The following EFCAB8 variants were observed in gnomAD, a reference collection of about 807,000 sequenced individuals.
EFCAB8 encodes EF-hand calcium-binding domain-containing protein 8.
EFCAB8 carries 100 observed loss-of-function variants against 116.3 expected under a neutral mutation model. That is an observed-to-expected ratio of 0.86 (90% confidence interval 0.73 to 1.02). The LOEUF (loss-of-function observed/expected upper bound fraction) is 1.02. Among genes scored for constraint, EFCAB8 ranks in the 50% least tolerant of loss-of-function variants. The pLI is 0.00. For missense variants in EFCAB8, 1,320 were observed against 1,416.9 expected (o/e 0.93, Z 1.10); for synonymous variants, 558 against 567.9 (o/e 0.98, Z 0.25).
Position 32,885,589 on chromosome 20 carries a change from C to T in EFCAB8, c.516C>T (p.Asp172=), listed in dbSNP as rs753858582. Residue 172 remains aspartate, a synonymous_variant, in exon 6 of 27, where the codon GAC becomes GAT. Coordinates refer to ENST00000400522, the MANE Select transcript of EFCAB8 (RefSeq NM_001143967.2). ...KIGCFLTVTK[D]GILQFWSESF... Reference sequence around the variant, plus strand: ...GGTGTTTCCTGACTGTCACCAAAGACGGGATCCTGCAGTTCTGGTCTGAGT... The same window carrying T: ...GGTGTTTCCTGACTGTCACCAAAGATGGGATCCTGCAGTTCTGGTCTGAGT... 8.4e-6 allele frequency: 13 copies of T among 1,551,684 alleles called. No individual in the cohort carries two copies. Among genetic ancestry groups the T allele is most frequent in the African/African-American group, 5.5e-5 (4 of 73,036 alleles).
In EFCAB8 at chr20:32,940,177, A is replaced by G. The variant is rs1442245257; in HGVS notation, c.2791-3459A>G. On this transcript the variant is annotated intron_variant, in intron 22 of 26. Transcript: ENST00000400522. ...TCACAATTCCCAAGTTCAAAACTGA[A>G]TATGAAGTTAAGTAATCAAGACAAT... 2.7e-5 allele frequency among the ~76,000 whole-genome samples: 4 copies of G among 148,950 alleles called. 1 individual carries two copies. The highest frequency in any genetic ancestry group is 1.0e-4 in the African/African-American group (4 of 39,920).
At position 32,860,493 on chromosome 20, in the gene EFCAB8, C is replaced by CTTTTTTT. The variant is rs71190881; in HGVS notation, c.-11+1512_-11+1518dup. ...TTTGTTCCATCGCTGATGGTGGTAA[C>CTTTTTTT]TTTTTTTTTTTTTTTTTTTTTTTTT... is the stretch of plus-strand genomic sequence containing the variant. On this transcript the variant is annotated intron_variant, in intron 1 of 26. Transcript: ENST00000400522. Among the ~76,000 whole-genome samples, 47 of 83,982 alleles carry CTTTTTTT rather than the reference C, an allele frequency of 5.6e-4. 7 individuals carry two copies. The highest frequency in any genetic ancestry group is 2.9e-3 in the African/African-American group (37 of 12,790). 55.1% of individuals were successfully genotyped at this position (83,982 alleles called of 152,430 possible).
At position 32,930,476 on chromosome 20, in the gene EFCAB8, G is replaced by A. The variant is rs6058960; in HGVS notation, c.2491G>A (p.Ala831Thr). 4 of 1,551,804 alleles carry A rather than the reference G, an allele frequency of 2.6e-6. No individual in the cohort carries two copies. The highest frequency in any genetic ancestry group is 1.4e-5 in the African/African-American group (1 of 73,032). Residue 831 changes from alanine to threonine, a missense_variant, in exon 21 of 27, where the codon GCC (alanine) becomes ACC (threonine). Ala to Thr is a moderately conservative substitution (Grantham distance 58, BLOSUM62 0). Coordinates refer to ENST00000400522, the MANE Select transcript of EFCAB8 (RefSeq NM_001143967.2). Reference sequence around the variant, plus strand: ...CAGCTGCATGGACGGCTACATCTACGCCTGGTCCCTCCATGAGAATGGAGG... The same window carrying A: ...CAGCTGCATGGACGGCTACATCTACACCTGGTCCCTCCATGAGAATGGAGG... Reference protein sequence around the residue: ...LSSCMDGYIYAWSLHENGGLL... With the variant: ...LSSCMDGYIYTWSLHENGGLL...
chr20:32,918,301 A>G (rs1987283192), intron 18 of EFCAB8, 61 bp from the exon 19 acceptor site: 1 of 1,499,232 alleles, frequency 6.7e-7, no homozygotes, highest in Admixed American at 2.0e-5. Flanking sequence ...GATCTGGGGC[A>G]GTCCTGAATT....
intron 24 of EFCAB8, among the ~76,000 whole-genome samples, chr20:32,958,979 A>G (rs923204942): frequency 1.3e-5 from 2 of 152,098 alleles, no homozygotes; most frequent in African/African-American, 4.8e-5. Context: ...TGCAGGGAGG[A>G]GCAGGCTGCT....
At chr20:32,882,731 G>A (rs938647413) in intron 5 of EFCAB8, among the ~76,000 whole-genome samples, 7 of 150,760 alleles carry the variant, frequency 4.6e-5, no homozygotes, top group African/African-American at 7.3e-5. Context: ...AGCCTTGCTC[G>A]GTCGCCCAGG....
At chr20:32,958,115 C>A (rs1159647103) in intron 23 of EFCAB8, among the ~76,000 whole-genome samples, 1 of 152,126 alleles carries the variant, frequency 6.6e-6, no homozygotes, top group Non-Finnish European at 1.5e-5. Flanking sequence ...ACACAAGCTA[C>A]CTGAAGCCCA....
chr20:32,952,704 A>G (rs1006969641), intron 23 of EFCAB8, among the ~76,000 whole-genome samples: 2 of 152,184 alleles, frequency 1.3e-5, no homozygotes, highest in African/African-American at 4.8e-5. Context: ...GAGTACTTTT[A>G]TCAGTGTATC....
intron 17 of EFCAB8, among the ~76,000 whole-genome samples, chr20:32,913,876 C>T (rs1217133719): frequency 1.3e-5 from 2 of 152,234 alleles, no homozygotes; most frequent in African/African-American, 2.4e-5. Flanking sequence ...TGGCTTGCTG[C>T]CCTGCCCTTC....
chr20:32,892,725 C>T (rs2146212466), intron 8 of EFCAB8, among the ~76,000 whole-genome samples: 1 of 152,292 alleles, frequency 6.6e-6, no homozygotes, highest in South Asian at 2.1e-4. Context: ...TTGTTGGCTC[C>T]TCAGGTGTCT....
At chr20:32,862,576 A>C (rs1191230450) in intron 1 of EFCAB8, among the ~76,000 whole-genome samples, 1 of 151,980 alleles carries the variant, frequency 6.6e-6, no homozygotes, top group Non-Finnish European at 1.5e-5. Context: ...GCTAGATTAG[A>C]GCATTCTTGG....
At chr20:32,927,469 C>G (rs576671498) in intron 20 of EFCAB8, among the ~76,000 whole-genome samples, 1 of 152,068 alleles carries the variant, frequency 6.6e-6, no homozygotes, top group South Asian at 2.1e-4. Flanking sequence ...CTCAGCCTCC[C>G]GAGTAGCTGG....
rs71858676 is a variant in EFCAB8 at position 32,921,361 on chromosome 20, T to TTGTGTGTGTGTGTG, written c.2412+1164_2412+1177dup. 8.0e-4 allele frequency among the ~76,000 whole-genome samples: 103 copies of TTGTGTGTGTGTGTG among 129,270 alleles called. 1 individual carries two copies. The highest frequency in any genetic ancestry group is 3.2e-3 in the South Asian group (14 of 4,376). The allele number at this position is 129,270 out of a possible 152,430, so 84.8% of individuals were successfully genotyped here. A position where few individuals can be genotyped will look rare whatever the true frequency, so the allele number is the denominator to read the frequency against. On this transcript the variant is annotated intron_variant, in intron 20 of 26. Transcript: ENST00000400522. ...GCATGCTCCATTATGCCCAGCTATTTTGTGTGTGTGTGTGTGTGTGTGTGT... is the reference window on the plus strand; with the variant it reads ...GCATGCTCCATTATGCCCAGCTATTTTGTGTGTGTGTGTGTGTGTGTGTGTGTGTGTGTGTGTGT...
At chr20:32,939,169 T>TTCTC (rs1433375253) in intron 22 of EFCAB8, among the ~76,000 whole-genome samples, 2 of 102,198 alleles carry the variant, frequency 2.0e-5, no homozygotes, top group Non-Finnish European at 4.2e-5. Flanking sequence ...CTTTCTTTCT[T>TTCTC]TCTTTCTTTC....
At chr20:32,889,535 A>C (rs142925643) in intron 7 of EFCAB8, 129 bp downstream of exon 7, 20,607 of 920,486 alleles carry the variant, frequency 0.022, 318 homozygotes, top group South Asian at 0.046. Flanking sequence ...AGCCAGGTGG[A>C]GAGGCCTTAG....
chr20:32,870,782 G>A (rs1043734804), intron 3 of EFCAB8, among the ~76,000 whole-genome samples: 1 of 151,948 alleles, frequency 6.6e-6, no homozygotes, highest in Non-Finnish European at 1.5e-5. Context: ...GATTACAAGC[G>A]TTAGCCACTG....
chr20:32,909,813 A>G lies in EFCAB8; in HGVS notation c.1447-8A>G. 1.6e-6 allele frequency: 2 copies of G among 1,241,150 alleles called. No homozygotes were observed. The highest frequency in any genetic ancestry group is 2.1e-4 in the Middle Eastern group (1 of 4,824). 76.9% of individuals were successfully genotyped at this position (1,241,150 alleles called of 1,614,324 possible). ...AGACAAGCTCTCTGCCCCTTTCCTCACCTACAGATCGGGATCCTAAAAGGG... is the reference window on the plus strand; with the variant it reads ...AGACAAGCTCTCTGCCCCTTTCCTCGCCTACAGATCGGGATCCTAAAAGGG... On this transcript the variant is annotated splice_polypyrimidine_tract_variant and splice_region_variant and intron_variant, in intron 14 of 26. Transcript: ENST00000400522.
At position 32,898,583 on chromosome 20, in the gene EFCAB8, G is replaced by T. The variant is rs781453152; in HGVS notation, c.1048G>T (p.Val350Leu). The stretch of plus-strand genomic sequence containing the variant: ...TTCAGCCATCGAGAAGTCCTCTCTG[G>T]TGCTGACAATATTGCCAGCCAAAGC... Reference protein sequence around the residue: ...SCSAIEKSSLVLTILPAKASK... With the variant: ...SCSAIEKSSLLLTILPAKASK... Residue 350 changes from valine to leucine, a missense_variant, in exon 11 of 27, where the codon GTG becomes TTG. Physicochemically the swap from Val to Leu is conservative, Grantham distance 32 (BLOSUM62 1). Coordinates refer to ENST00000400522, the MANE Select transcript of EFCAB8 (RefSeq NM_001143967.2). The T allele has an allele frequency of 1.5e-5, 11 of 718,482 alleles. No homozygotes were observed. The Admixed American group carries it at 2.2e-4, about 14-fold the overall frequency. 44.5% of individuals were successfully genotyped at this position (718,482 alleles called of 1,614,324 possible).
chr20:32,953,138 CAT>C (rs1387503782), intron 23 of EFCAB8, among the ~76,000 whole-genome samples: 2 of 152,140 alleles, frequency 1.3e-5, no homozygotes, highest in East Asian at 1.9e-4. Flanking sequence ...AATATTGTAA[CAT>C]GTGACAAGAT....
Sources: gnomAD v4.1 joint callset for allele counts (sites outside exome capture counted in the v4.1 genomes callset) on GRCh38, gnomAD v4.1.1 for gene constraint, MANE v1.5 for transcripts, NCBI Gene and HGNC (gene_info 2026-07-23, HGNC 2026-07-21) for gene names.